Variants in WDFY1 observed in about 807,000 individuals in gnomAD.
WDFY1 encodes WD repeat and FYVE domain containing 1, also known as WD repeat and FYVE domain-containing protein 1.
WDFY1 carries 32 observed loss-of-function variants against 56.4 expected under a neutral mutation model. That is an observed-to-expected ratio of 0.57 (90% confidence interval 0.43 to 0.76). The LOEUF is 0.76. Ranked by LOEUF, WDFY1 falls within the 30% of genes least tolerant of loss-of-function variation. The pLI, the probability that WDFY1 is intolerant of heterozygous loss-of-function variation, is 0.00. For synonymous variants in WDFY1, 192 were observed against 197.3 expected, an observed-to-expected ratio of 0.97 and a Z score of 0.23; for missense variants, 480 against 545.7, an observed-to-expected ratio of 0.88 and a Z score of 1.20.
intron 1 of WDFY1, among the ~76,000 whole-genome samples, chr2:223,925,642 T>C (rs1387511616): frequency 2.0e-5 from 3 of 152,224 alleles, no homozygotes; most frequent in Non-Finnish European, 2.9e-5. Context: ...TAGCATGCAA[T>C]GCAATTTAAT....
intron 1 of WDFY1, among the ~76,000 whole-genome samples, chr2:223,922,879 C>T (rs536267036): frequency 6.6e-6 from 1 of 152,316 alleles, no homozygotes; most frequent in South Asian, 2.1e-4. Flanking sequence ...ATCGAACCTA[C>T]TTAGATTCCA....
intron 1 of WDFY1, among the ~76,000 whole-genome samples, chr2:223,928,391 GGGA>G (rs1027762353): frequency 6.6e-6 from 1 of 152,284 alleles, no homozygotes; most frequent in African/African-American, 2.4e-5. Context: ...ACAGGAGAAG[GGGA>G]GGAGAAGAGA....
rs114325032 is a variant in WDFY1, at chr2:223,921,989, C to T, written c.138-3979G>A. Among the ~76,000 whole-genome samples, 280 of 152,216 alleles carry T rather than the reference C, an allele frequency of 1.8e-3. 2 individuals carry two copies. Among genetic ancestry groups the T allele is most frequent in the African/African-American group, 6.6e-3 (275 of 41,530 alleles). Reference sequence around the variant, plus strand: ...CCCCCAGCTACCTCTCCCAAGGAGCCGCCTGGATCACAGTGCCCCTATGCT... The same window carrying T: ...CCCCCAGCTACCTCTCCCAAGGAGCTGCCTGGATCACAGTGCCCCTATGCT... On this transcript the variant is annotated intron_variant, in intron 1 of 11. Transcript: ENST00000233055.
intron 1 of WDFY1, among the ~76,000 whole-genome samples, chr2:223,943,914 G>C (rs72972467): frequency 0.027 from 4,109 of 152,294 alleles, 92 homozygotes; most frequent in Non-Finnish European, 0.041. Flanking sequence ...TTTCCCAAAA[G>C]CATGGTGGGC....
At chr2:223,902,305 T>TAA (rs1400211326) in intron 4 of WDFY1, among the ~76,000 whole-genome samples, 2 of 152,242 alleles carry the variant, frequency 1.3e-5, no homozygotes. Flanking sequence ...CTCACACCTA[T>TAA]AATCCCAGCA....
intron 1 of WDFY1, among the ~76,000 whole-genome samples, chr2:223,940,349 G>T (rs1024572201): frequency 6.6e-6 from 1 of 152,018 alleles, no homozygotes; most frequent in Admixed American, 6.5e-5. Context: ...AGCACCAAAC[G>T]AGTTTTCAGG....
chr2:223,913,063 G>T (rs573350955), intron 2 of WDFY1, among the ~76,000 whole-genome samples: 2 of 152,106 alleles, frequency 1.3e-5, no homozygotes, highest in East Asian at 1.9e-4. Flanking sequence ...AAACAAATTT[G>T]AATTCACTTT....
intron 1 of WDFY1, among the ~76,000 whole-genome samples, chr2:223,925,324 T>G (rs1693960247): frequency 6.6e-6 from 1 of 152,216 alleles, no homozygotes; most frequent in Non-Finnish European, 1.5e-5. Flanking sequence ...CACAAATTTT[T>G]GGTTTCCCAT....
chr2:223,917,807 G>A (rs1693814035), intron 2 of WDFY1, 136 bp downstream of exon 2: 3 of 879,900 alleles, frequency 3.4e-6, no homozygotes, highest in Middle Eastern at 2.3e-4. Context: ...CCTGACCCCA[G>A]GTGATCTACC....
chr2:223,918,643 A>G (rs1460122619), intron 1 of WDFY1, among the ~76,000 whole-genome samples: 2 of 151,698 alleles, frequency 1.3e-5, no homozygotes, highest in African/African-American at 4.8e-5. Context: ...AAAAAAAAAA[A>G]AGAAAAACAA....
chr2:223,911,566 C>CCCCACACA (rs1430404008), intron 3 of WDFY1, among the ~76,000 whole-genome samples: 2 of 136,038 alleles, frequency 1.5e-5, no homozygotes, highest in African/African-American at 5.5e-5. Context: ...AGCTGAATGA[C>CCCCACACA]CACACACACA....
chr2:223,897,327 G>A (rs1353152795), intron 6 of WDFY1, among the ~76,000 whole-genome samples: 1 of 140,978 alleles, frequency 7.1e-6, no homozygotes, highest in East Asian at 2.1e-4. Context: ...ACATAGTTTA[G>A]ACATGTGTCC....
chr2:223,880,025 A>G, intron 11 of WDFY1, 99 bp downstream of exon 11: 1 of 1,056,264 alleles, frequency 9.5e-7, no homozygotes. Context: ...ATTTGCTTAT[A>G]AAGCTTGCCA....
intron 2 of WDFY1, among the ~76,000 whole-genome samples, chr2:223,915,391 C>T (rs936613108): frequency 1.3e-5 from 2 of 152,234 alleles, no homozygotes; most frequent in Non-Finnish European, 2.9e-5. Context: ...CGAGATCTAA[C>T]AGCCAAGAGA....
At chr2:223,931,719 C>A (rs1276226787) in intron 1 of WDFY1, among the ~76,000 whole-genome samples, 1 of 147,886 alleles carries the variant, frequency 6.8e-6, no homozygotes, top group Non-Finnish European at 1.5e-5. Flanking sequence ...CAGAGTCTTG[C>A]TCTGTTGCAC....
In WDFY1 at chr2:223,877,761, T is replaced by A. The variant is rs1692994927; in HGVS notation, c.*910A>T. 6.6e-6 allele frequency: 1 copy of A among 152,668 alleles called. No homozygotes were observed. The highest frequency in any genetic ancestry group is 1.5e-5 in the Non-Finnish European group (1 of 68,060). 9.5% of individuals were successfully genotyped at this position (152,668 alleles called of 1,614,324 possible). On this transcript the variant is annotated 3_prime_UTR_variant, in exon 12 of 12. Transcript: ENST00000233055. ...ATTGCCAGAATATTGCAGAGGCTCA[T>A]CTTGGAACAAGAAGTAGAATGCTGT...
intron 8 of WDFY1, among the ~76,000 whole-genome samples, chr2:223,892,166 G>C (rs1420050903): frequency 6.6e-6 from 1 of 151,862 alleles, no homozygotes; most frequent in African/African-American, 2.4e-5. Context: ...AGTAGAGACT[G>C]GGTTTCACCA....
At chr2:223,905,483 C>T (rs375699216) in intron 4 of WDFY1, among the ~76,000 whole-genome samples, 4 of 152,170 alleles carry the variant, frequency 2.6e-5, no homozygotes, top group East Asian at 3.9e-4. Flanking sequence ...ACTGAGACCT[C>T]GTCTCCATTT....
At chr2:223,917,275 T>A (rs1693804171) in intron 2 of WDFY1, among the ~76,000 whole-genome samples, 1 of 152,232 alleles carries the variant, frequency 6.6e-6, no homozygotes, top group Non-Finnish European at 1.5e-5. Flanking sequence ...GCAAAGGTAG[T>A]CATGACGCTA....
Sources: gnomAD v4.1 joint callset for allele counts (sites outside exome capture counted in the v4.1 genomes callset) on GRCh38, gnomAD v4.1.1 for gene constraint, MANE v1.5 for transcripts, NCBI Gene and HGNC (gene_info 2026-07-23, HGNC 2026-07-21) for gene names.